Variants in SYN2 observed in about 807,000 individuals in gnomAD.
SYN2 encodes the protein synapsin II.
Under a neutral mutation model 50.9 loss-of-function variants are expected in SYN2, and 19 were observed. That is an observed-to-expected ratio of 0.37 (90% CI 0.26 to 0.55). SYN2 has a LOEUF of 0.55. SYN2 is among the 20% of genes least tolerant of loss of function. The probability of loss-of-function intolerance (pLI) is 0.81; values close to 1 mark genes in which losing one functional copy is unlikely to be tolerated. For missense variants in SYN2, 587 were observed against 576.4 expected (o/e 1.02, Z -0.19); for synonymous variants, 255 against 224.9 (o/e 1.13, Z -1.20).
At chr3:12,056,076 C>T (rs541359019) in intron 1 of SYN2, among the ~76,000 whole-genome samples, 2 of 152,210 alleles carry the variant, frequency 1.3e-5, no homozygotes, top group South Asian at 2.1e-4. Context: ...CAAGATGCTC[C>T]AGGCTCTTGA....
At chr3:12,189,015 C>T (rs1027772853) in intron 12 of SYN2, among the ~76,000 whole-genome samples, 1 of 152,230 alleles carries the variant, frequency 6.6e-6, no homozygotes, top group African/African-American at 2.4e-5. Context: ...TCCCAGAGGC[C>T]AGCGTGTTGG....
intron 5 of SYN2, chr3:12,158,965 C>G (rs918292075): frequency 6.7e-6 from 9 of 1,349,442 alleles, no homozygotes; most frequent in Non-Finnish European, 8.7e-6. Context: ...GGGCCAATCC[C>G]GCCCCGACGG....
At chr3:12,034,990 A>G (rs1694466189) in intron 1 of SYN2, among the ~76,000 whole-genome samples, 1 of 152,168 alleles carries the variant, frequency 6.6e-6, no homozygotes, top group Admixed American at 6.5e-5. Flanking sequence ...TCCCGAGGTA[A>G]GTTTCTTCCA....
chr3:12,143,635 T>C (rs1360625646), intron 3 of SYN2, among the ~76,000 whole-genome samples: 2 of 152,180 alleles, frequency 1.3e-5, no homozygotes, highest in Non-Finnish European at 2.9e-5. Context: ...TTTTAATGAC[T>C]GCGTTGTATT....
chr3:12,065,429 A>G (rs1428257553), intron 1 of SYN2, among the ~76,000 whole-genome samples: 1 of 152,246 alleles, frequency 6.6e-6, no homozygotes, highest in Non-Finnish European at 1.5e-5. Flanking sequence ...CACTATTCAC[A>G]GTAGTAAAGA....
At chr3:12,057,004 A>C (rs1695004605) in intron 1 of SYN2, among the ~76,000 whole-genome samples, 1 of 152,164 alleles carries the variant, frequency 6.6e-6, no homozygotes, top group South Asian at 2.1e-4. Flanking sequence ...ATATAGTGAC[A>C]TCTGGGCCAG....
chr3:12,048,776 T>C (rs1359659231), intron 1 of SYN2, among the ~76,000 whole-genome samples: 1 of 152,216 alleles, frequency 6.6e-6, no homozygotes, highest in Non-Finnish European at 1.5e-5. Context: ...ACAGGAAAGA[T>C]AATATGCCCA....
intron 1 of SYN2, among the ~76,000 whole-genome samples, chr3:12,083,193 G>A (rs762028412): frequency 5.3e-5 from 8 of 152,064 alleles, no homozygotes; most frequent in African/African-American, 4.8e-5. Flanking sequence ...TGTATTTTTC[G>A]TAGAGACAGG....
intron 1 of SYN2, among the ~76,000 whole-genome samples, chr3:12,109,314 C>T (rs1282939889): frequency 6.6e-6 from 1 of 152,146 alleles, no homozygotes; most frequent in Admixed American, 6.5e-5. Context: ...TGCTCATTAT[C>T]TGGTCTCTAA....
rs377116363 is a variant in SYN2, at chr3:12,185,002, C to T, written c.1369+1630C>T. Reference sequence around the variant, plus strand: ...TGTTGGTGGTATGTAACAAGAGTTACGTATCCAGGGGCTTGTGCCTTGGTT... The same window carrying T: ...TGTTGGTGGTATGTAACAAGAGTTATGTATCCAGGGGCTTGTGCCTTGGTT... On this transcript the variant is annotated intron_variant, in intron 11 of 12. Transcript: ENST00000621198. 1.4e-5 allele frequency: 14 copies of T among 985,790 alleles called. No individual in the cohort carries two copies. The East Asian group carries it at 3.4e-4, about 24-fold the overall frequency. The allele number at this position is 985,790 out of a possible 1,614,324, so 61.1% of individuals were successfully genotyped here.
At chr3:12,163,103 G>A (rs539474399) in intron 7 of SYN2, among the ~76,000 whole-genome samples, 10 of 152,056 alleles carry the variant, frequency 6.6e-5, no homozygotes, top group African/African-American at 1.7e-4. Context: ...TTAGCCAGAC[G>A]TGGTGGTGGG....
intron 1 of SYN2, among the ~76,000 whole-genome samples, chr3:12,035,288 C>T (rs962429223): frequency 6.6e-6 from 1 of 152,214 alleles, no homozygotes; most frequent in African/African-American, 2.4e-5. Flanking sequence ...TCAGTCCATG[C>T]AGCAGCTCTC....
At chr3:12,169,667 C>T (rs1697892192) in intron 9 of SYN2, 90 bp from the exon 10 acceptor site, 1 of 1,459,740 alleles carries the variant, frequency 6.9e-7, no homozygotes, top group African/African-American at 1.4e-5. Flanking sequence ...TCCATCTCTG[C>T]TGGCTTAATT....
At chr3:12,161,393 C>T (rs1697645213) in intron 5 of SYN2, among the ~76,000 whole-genome samples, 153 bp from the exon 6 acceptor site, 1 of 152,138 alleles carries the variant, frequency 6.6e-6, no homozygotes, top group Non-Finnish European at 1.5e-5. Context: ...CACTGTCATT[C>T]CATGGGTCTC....
intron 9 of SYN2, 49 bp downstream of exon 9, chr3:12,168,527 A>G (rs758465800): frequency 1.5e-5 from 23 of 1,501,846 alleles, no homozygotes; most frequent in Non-Finnish European, 2.1e-5. Flanking sequence ...CTTAAGAACT[A>G]TGTGGGCAGC....
intron 1 of SYN2, among the ~76,000 whole-genome samples, chr3:12,044,215 A>ACC (rs1694689022): frequency 6.8e-6 from 1 of 148,056 alleles, no homozygotes; most frequent in Non-Finnish European, 1.5e-5. Flanking sequence ...ACACACACAC[A>ACC]CACACACAGG....
At chr3:12,098,263 G>T (rs973279677) in intron 1 of SYN2, among the ~76,000 whole-genome samples, 2 of 152,148 alleles carry the variant, frequency 1.3e-5, no homozygotes, top group African/African-American at 4.8e-5. Context: ...TATCAGCAAA[G>T]AATTCTGTTT....
At chr3:12,024,704 G>C (rs1694217493) in intron 1 of SYN2, among the ~76,000 whole-genome samples, 1 of 152,178 alleles carries the variant, frequency 6.6e-6, no homozygotes, top group Non-Finnish European at 1.5e-5. Flanking sequence ...TACTTAAGTT[G>C]TTCCCAGTTT....
At chr3:12,160,951 T>G (rs1236391571) in intron 5 of SYN2, among the ~76,000 whole-genome samples, 1 of 152,184 alleles carries the variant, frequency 6.6e-6, no homozygotes, top group Non-Finnish European at 1.5e-5. Context: ...TTCTACCGGC[T>G]CTCTTTCAAA....
Sources: allele counts gnomAD v4.1 joint callset (sites outside exome capture counted in the v4.1 genomes callset), GRCh38; gene constraint gnomAD v4.1.1; transcripts MANE v1.5; gene names NCBI Gene and HGNC (gene_info 2026-07-23, HGNC 2026-07-21).